Variants in PCDHGA2 observed in about 807,000 individuals in gnomAD.
PCDHGA2 encodes the protein protocadherin gamma subfamily A, 2, also known as protocadherin gamma-A2.
A neutral mutation model predicts 59.2 loss-of-function variants in PCDHGA2; 40 were observed. The observed-to-expected ratio is 0.68, with a 90% CI of 0.52 to 0.88. PCDHGA2 has a LOEUF of 0.88. Among genes scored for constraint, PCDHGA2 ranks in the 40% least tolerant of loss-of-function variants. The probability of loss-of-function intolerance (pLI) is 0.00; values close to 1 mark genes in which losing one functional copy is unlikely to be tolerated. For missense variants in PCDHGA2, 1,226 were observed against 1,204.0 expected (o/e 1.02, Z -0.27); for synonymous variants, 560 against 526.0 (o/e 1.06, Z -0.89).
intron 1 of PCDHGA2, chr5:141,354,921 A>G: frequency 2.4e-6 from 1 of 414,074 alleles, no homozygotes; most frequent in Non-Finnish European, 4.2e-6. Flanking sequence ...TGTATAAAAA[A>G]TAAACTTTTT....
rs57426385 is a variant in PCDHGA2 at position 141,415,740 on chromosome 5, G to GTTT, written c.2424+74375_2424+74377dup. ...TGAGTAGAATTTGATGTTTATTAAG[G>GTTT]TTTTTTTTTTTTTTTTTTTTTTTTT... On this transcript the variant is annotated intron_variant, in intron 1 of 3. Transcript: ENST00000394576. 6,178 of 620,014 alleles carry GTTT rather than the reference G, an allele frequency of 1.0e-2. 42 individuals are homozygous for GTTT. Among genetic ancestry groups the GTTT allele is most frequent in the South Asian group, 0.019 (660 of 34,340 alleles). The allele number at this position is 620,014 out of a possible 1,614,324, so 38.4% of individuals were successfully genotyped here. A position where few individuals can be genotyped will look rare whatever the true frequency, so the allele number is the denominator to read the frequency against.
chr5:141,423,985 C>T (rs1334591897), intron 1 of PCDHGA2: 2 of 1,100,512 alleles, frequency 1.8e-6, no homozygotes, highest in Non-Finnish European at 2.2e-6. Flanking sequence ...ATGAGGCTCT[C>T]AATTTATTAT....
chr5:141,485,982 A>G lies in PCDHGA2; in HGVS notation c.2425-8825A>G. 6.2e-7 allele frequency: 1 copy of G among 1,614,156 alleles called. No homozygotes were observed. The highest frequency in any genetic ancestry group is 8.5e-7 in the Non-Finnish European group (1 of 1,180,020). ...ATCCAGCTCAATGCCTCAGACCCGG[A>G]CCTGGGTCCCAGTGGTAACGTCACC... On this transcript the variant is annotated intron_variant, in intron 1 of 3. Coordinates refer to ENST00000394576, the MANE Select transcript of PCDHGA2 (RefSeq NM_018915.4). The surrounding 1 kb of genome is among the most constrained non-coding windows in gnomAD (Gnocchi z 5.7).
intron 1 of PCDHGA2, chr5:141,426,985 A>G (rs534298238): frequency 7.7e-5 from 35 of 456,646 alleles, no homozygotes; most frequent in Non-Finnish European, 1.3e-4. Context: ...ACTGATGCCA[A>G]CGATAATGCC....
intron 1 of PCDHGA2, among the ~76,000 whole-genome samples, chr5:141,473,017 AGAAG>A (rs1484773075): frequency 7.0e-4 from 107 of 151,874 alleles, no homozygotes; most frequent in Middle Eastern, 3.4e-3. Flanking sequence ...AGAAAAAGAA[AGAAG>A]GAAGGAAGGA....
intron 3 of PCDHGA2, among the ~76,000 whole-genome samples, chr5:141,507,500 A>G (rs2099861039): frequency 6.6e-6 from 1 of 152,206 alleles, no homozygotes; most frequent in Admixed American, 6.5e-5. Flanking sequence ...GAGCTGTCCC[A>G]GGTCTGGTGG....
intron 1 of PCDHGA2, chr5:141,361,234 G>A (rs575415323): frequency 1.2e-6 from 2 of 1,613,954 alleles, no homozygotes; most frequent in South Asian, 2.2e-5. Flanking sequence ...AACAGTGATC[G>A]CCTTGATAAA....
intron 1 of PCDHGA2, chr5:141,433,145 G>C (rs2097571427): frequency 6.2e-7 from 1 of 1,613,922 alleles, no homozygotes; most frequent in Non-Finnish European, 8.5e-7. Flanking sequence ...GCTGTCAGGT[G>C]ATTCGGTATT....
At chr5:141,380,165 G>C (rs900894194) in intron 1 of PCDHGA2, among the ~76,000 whole-genome samples, 2 of 152,092 alleles carry the variant, frequency 1.3e-5, no homozygotes, top group Non-Finnish European at 2.9e-5. Flanking sequence ...CTCTCAAAGG[G>C]CTGGGATTAC....
At chr5:141,430,603 C>A in intron 1 of PCDHGA2, 1 of 632,906 alleles carries the variant, frequency 1.6e-6, no homozygotes, top group Non-Finnish European at 2.5e-6. Context: ...GCGCCTGAAG[C>A]ACAAAGCAGA....
intron 1 of PCDHGA2, 84 bp from the exon 2 acceptor site, chr5:141,494,723 C>T: frequency 1.9e-6 from 3 of 1,606,114 alleles, no homozygotes; most frequent in Non-Finnish European, 2.6e-6. Flanking sequence ...TCCCCTCCTT[C>T]TCTCCCGGCC....
intron 1 of PCDHGA2, chr5:141,344,212 C>T: frequency 6.2e-7 from 1 of 1,613,992 alleles, no homozygotes; most frequent in Non-Finnish European, 8.5e-7. Flanking sequence ...CGGGAGCTGG[C>T]GGAGCGCGGA....
At chr5:141,362,409 A>C (rs778172417) in intron 1 of PCDHGA2, 1 of 1,614,000 alleles carries the variant, frequency 6.2e-7, no homozygotes, top group Non-Finnish European at 8.5e-7. Flanking sequence ...GTGTTGCCTC[A>C]CAATCAGCCA....
At position 141,432,640 on chromosome 5, in the gene PCDHGA2, C is replaced by T. The variant is rs2097523683; in HGVS notation, c.2425-62167C>T. On this transcript the variant is annotated intron_variant, in intron 1 of 3. Transcript: ENST00000394576. This position sits in a 1 kb window ranked among gnomAD's most constrained non-coding sequence, Gnocchi z 6.0. ...TGGGTCTGCACACGGGCGAGGTGCG[C>T]ACGGCGCGAGCCCTGCTGGACAGAG... 1.9e-6 allele frequency: 3 copies of T among 1,613,814 alleles called. No individual in the cohort carries two copies. The highest frequency in any genetic ancestry group is 2.5e-6 in the Non-Finnish European group (3 of 1,179,932).
At chr5:141,344,590 C>T (rs1757441857) in intron 1 of PCDHGA2, 2 of 1,613,880 alleles carry the variant, frequency 1.2e-6, no homozygotes, top group Non-Finnish European at 8.5e-7. Context: ...AATAGCGTCT[C>T]TGAGGGGGCC....
At chr5:141,362,151 G>C (rs570950443) in intron 1 of PCDHGA2, 5 of 1,614,026 alleles carry the variant, frequency 3.1e-6, no homozygotes, top group Middle Eastern at 1.7e-4. Flanking sequence ...AAGAGGTATT[G>C]CCAGACCTCA....
chr5:141,376,110 G>C (rs772810239), intron 1 of PCDHGA2: 1 of 1,613,644 alleles, frequency 6.2e-7, no homozygotes. Context: ...GCCGACCTGG[G>C]CAGCCTCGAG....
At chr5:141,388,290 A>T (rs1299323228) in intron 1 of PCDHGA2, 1 of 1,613,388 alleles carries the variant, frequency 6.2e-7, no homozygotes, top group Non-Finnish European at 8.5e-7. Flanking sequence ...ATTCACGCAA[A>T]ATTCCTTTGA....
chr5:141,509,516 T>C (rs2099877144), intron 3 of PCDHGA2, among the ~76,000 whole-genome samples: 1 of 152,130 alleles, frequency 6.6e-6, no homozygotes, highest in Non-Finnish European at 1.5e-5. Context: ...GTGTTGATGA[T>C]GTATTGCACA....
Sources: allele counts gnomAD v4.1 joint callset (sites outside exome capture counted in the v4.1 genomes callset), GRCh38; gene constraint gnomAD v4.1.1; non-coding constraint Gnocchi (gnomAD v3.1); transcripts MANE v1.5; gene names NCBI Gene and HGNC (gene_info 2026-07-23, HGNC 2026-07-21).